The following MAP2K6 variants were observed in gnomAD, a reference collection of about 807,000 sequenced individuals.
MAP2K6 encodes the protein dual specificity mitogen-activated protein kinase kinase 6.
MAP2K6 carries 16 observed loss-of-function variants against 53.7 expected under a neutral mutation model. The ratio of observed to expected loss-of-function variants is 0.30; its 90% CI spans 0.20 to 0.45. The LOEUF is 0.45. MAP2K6 is among the 20% of genes least tolerant of loss of function. The pLI is 1.00. For synonymous variants in MAP2K6, 132 were observed against 143.1 expected (o/e 0.92, Z 0.55); for missense variants, 204 against 411.9 (o/e 0.50, Z 4.37).
intron 1 of MAP2K6, among the ~76,000 whole-genome samples, chr17:69,466,838 T>C (rs796139467): frequency 1.2e-4 from 19 of 152,348 alleles, no homozygotes; most frequent in African/African-American, 4.6e-4. Flanking sequence ...TTCACTTATG[T>C]TATCAGTTAA....
chr17:69,535,189 A>G (rs908344654), intron 10 of MAP2K6, among the ~76,000 whole-genome samples: 14 of 152,212 alleles, frequency 9.2e-5, no homozygotes, highest in Admixed American at 5.9e-4. Context: ...GCATGACCAT[A>G]AAGTATTTCT....
At chr17:69,455,361 G>C (rs1353217453) in intron 1 of MAP2K6, among the ~76,000 whole-genome samples, 1 of 152,108 alleles carries the variant, frequency 6.6e-6, no homozygotes, top group Non-Finnish European at 1.5e-5. Context: ...TGCAATTCCT[G>C]ATTACCTGAC....
rs1911646150 is a variant in MAP2K6, at chr17:69,541,719, T to A, written c.971T>A (p.Val324Glu). Residue 324 changes from valine to glutamate, a missense_variant, in exon 12 of 12, where the codon GTG becomes GAG. Val to Glu is a moderately radical substitution (Grantham distance 121, BLOSUM62 -2). Around this residue, in one of 3 missense-constraint regions of MAP2K6, gnomAD observed 47 missense variants for 62.3 expected, o/e 0.75. Transcript: ENST00000590474. ...CTACATGAATCCAAAGGAACAGATGTGGCATCTTTTGTAAAACTGATTCTT... is the reference window on the plus strand; with the variant it reads ...CTACATGAATCCAAAGGAACAGATGAGGCATCTTTTGTAAAACTGATTCTT... Reference protein sequence around the residue: ...FTLHESKGTDVASFVKLILGD With the variant: ...FTLHESKGTDEASFVKLILGD 1 of 1,612,930 alleles carries A rather than the reference T, an allele frequency of 6.2e-7. No individual in the cohort carries two copies. Among genetic ancestry groups the A allele is most frequent in the Non-Finnish European group, 8.5e-7 (1 of 1,179,152 alleles).
chr17:69,459,532 T>A (rs2145168368), intron 1 of MAP2K6, among the ~76,000 whole-genome samples: 1 of 151,672 alleles, frequency 6.6e-6, no homozygotes, highest in African/African-American at 2.4e-5. Context: ...GCCAACATGG[T>A]AAAACCCTGT....
intron 1 of MAP2K6, among the ~76,000 whole-genome samples, chr17:69,421,637 C>G (rs1405286335): frequency 6.6e-6 from 1 of 151,546 alleles, no homozygotes; most frequent in Non-Finnish European, 1.5e-5. Context: ...CTCCTGGGTT[C>G]ACGCCATTCT....
Position 69,541,761 on chromosome 17 carries a change from T to C in MAP2K6, c.*8T>C, listed in dbSNP as rs372722559. On this transcript the variant is annotated 3_prime_UTR_variant, in exon 12 of 12. Coordinates refer to ENST00000590474, the MANE Select transcript of MAP2K6 (RefSeq NM_002758.4). ...CTGATTCTTGGAGACTAAAAAGCAGTGGACTTAATCGGTTGACCCTACTGT... is the reference window on the plus strand; with the variant it reads ...CTGATTCTTGGAGACTAAAAAGCAGCGGACTTAATCGGTTGACCCTACTGT... 4 of 1,609,762 alleles carry C rather than the reference T, an allele frequency of 2.5e-6. No homozygotes were observed. Among genetic ancestry groups the C allele is most frequent in the Non-Finnish European group, 2.5e-6 (3 of 1,176,792 alleles).
intron 1 of MAP2K6, among the ~76,000 whole-genome samples, chr17:69,491,119 C>CCTTCCTTCCTTCCTTT (rs1908732075): frequency 6.6e-6 from 1 of 150,722 alleles, no homozygotes; most frequent in Non-Finnish European, 1.5e-5. Flanking sequence ...TTCCTTCCTT[C>CCTTCCTTCCTTCCTTT]CTTCCTTCCT....
intron 1 of MAP2K6, among the ~76,000 whole-genome samples, chr17:69,479,032 G>A (rs1471020562): frequency 6.6e-6 from 1 of 152,018 alleles, no homozygotes; most frequent in Admixed American, 6.6e-5. Context: ...TTCTTTCTAG[G>A]TCTGATGTGG....
intron 1 of MAP2K6, among the ~76,000 whole-genome samples, chr17:69,478,546 G>T (rs1567832508): frequency 1.3e-5 from 2 of 152,188 alleles, no homozygotes; most frequent in East Asian, 3.9e-4. Flanking sequence ...GATTCTCCTG[G>T]CTCAGCCTCC....
At chr17:69,421,176 AT>A (rs1199890012) in intron 1 of MAP2K6, among the ~76,000 whole-genome samples, 4 of 152,222 alleles carry the variant, frequency 2.6e-5, no homozygotes, top group Non-Finnish European at 5.9e-5. Flanking sequence ...CCTAAGTTTT[AT>A]GAAAGATTTC....
At chr17:69,424,780 A>G (rs1328658815) in intron 1 of MAP2K6, among the ~76,000 whole-genome samples, 3 of 152,188 alleles carry the variant, frequency 2.0e-5, no homozygotes, top group Admixed American at 6.5e-5. Context: ...TCTTTTTGAC[A>G]TGTCCCTTTA....
At chr17:69,516,346 T>G (rs1287842338) in intron 2 of MAP2K6, among the ~76,000 whole-genome samples, 2 of 152,092 alleles carry the variant, frequency 1.3e-5, no homozygotes, top group East Asian at 3.9e-4. Flanking sequence ...TATGAGAATC[T>G]AATGCCACTG....
chr17:69,507,223 C>T (rs1332680058), intron 2 of MAP2K6, among the ~76,000 whole-genome samples: 1 of 152,152 alleles, frequency 6.6e-6, no homozygotes, highest in Admixed American at 6.5e-5. Context: ...CAAACTCCCC[C>T]GCCATCCCAA....
At chr17:69,417,887 C>A (rs1905955487) in intron 1 of MAP2K6, among the ~76,000 whole-genome samples, 1 of 152,230 alleles carries the variant, frequency 6.6e-6, no homozygotes, top group Non-Finnish European at 1.5e-5. Context: ...TTTCTCACTT[C>A]TCCTCCTATT....
chr17:69,459,163 G>C (rs1181649005), intron 1 of MAP2K6, among the ~76,000 whole-genome samples: 1 of 151,982 alleles, frequency 6.6e-6, no homozygotes, highest in Non-Finnish European at 1.5e-5. Context: ...GGTTTACTGT[G>C]ATTTTTTTTA....
intron 10 of MAP2K6, among the ~76,000 whole-genome samples, chr17:69,533,840 TAGAA>T (rs2144855669): frequency 6.6e-6 from 1 of 152,090 alleles, no homozygotes; most frequent in East Asian, 1.9e-4. Context: ...CTCTTGAACT[TAGAA>T]AGAAACACTT....
At chr17:69,469,146 G>A (rs541238950) in intron 1 of MAP2K6, among the ~76,000 whole-genome samples, 9 of 152,262 alleles carry the variant, frequency 5.9e-5, no homozygotes, top group South Asian at 2.1e-4. Context: ...GAGGACTGTC[G>A]CTAGGTTCTA....
intron 3 of MAP2K6, 49 bp downstream of exon 3, chr17:69,516,952 T>C (rs1216455558): frequency 2.2e-6 from 3 of 1,394,596 alleles, no homozygotes; most frequent in Non-Finnish European, 3.0e-6. Flanking sequence ...ATTTTATATG[T>C]ATGCTTTCTG....
In MAP2K6 at chr17:69,494,727, C is replaced by T. The variant is rs981425336; in HGVS notation, c.17-11053C>T. 4.0e-5 allele frequency among the ~76,000 whole-genome samples: 6 copies of T among 150,886 alleles called. No homozygotes were observed. Among genetic ancestry groups the T allele is most frequent in the Non-Finnish European group, 5.9e-5 (4 of 67,686 alleles). On this transcript the variant is annotated intron_variant, in intron 1 of 11. Transcript: ENST00000590474. This position sits in a 1 kb window ranked among gnomAD's most constrained non-coding sequence, Gnocchi z 4.2. The stretch of plus-strand genomic sequence containing the variant: ...TCAGAGTGCTATTAAAATTGTGGGC[C>T]GGGCGTGGTGGCTCATGCCTGTAAT...
Sources: gnomAD v4.1 joint callset for allele counts (sites outside exome capture counted in the v4.1 genomes callset) on GRCh38, gnomAD v4.1.1 for gene constraint, gnomAD v4.1.1 regional missense constraint, Gnocchi (gnomAD v3.1) non-coding constraint, MANE v1.5 for transcripts, NCBI Gene and HGNC (gene_info 2026-07-23, HGNC 2026-07-21) for gene names.